The following TUSC3 variants were observed in gnomAD, a reference collection of about 807,000 sequenced individuals.
The protein encoded by TUSC3 is dolichyl-diphosphooligosaccharide--protein glycosyltransferase subunit TUSC3.
Under a neutral mutation model 44.8 loss-of-function variants are expected in TUSC3, and 45 were observed. The observed-to-expected ratio is 1.00, with a 90% CI of 0.79 to 1.29. TUSC3 has a LOEUF of 1.29. Among genes scored for constraint, TUSC3 ranks in the 50% most tolerant of loss-of-function variants. The probability of loss-of-function intolerance (pLI) is 0.00; values close to 1 mark genes in which losing one functional copy is unlikely to be tolerated. For missense variants in TUSC3, 519 were observed against 437.9 expected (o/e 1.19, Z -1.65); for synonymous variants, 212 against 152.9 (o/e 1.39, Z -2.85).
At chr8:15,839,233 C>G in the TUSC3 span, among the ~76,000 whole-genome samples, 15 of 152,088 alleles carry the variant, frequency 9.9e-5, no homozygotes, top group East Asian at 1.9e-4. Context: ...TGGTGAAGTT[C>G]CTTATCAGCT....
chr8:15,417,521 C>T (rs1407742100), intron 1 of TUSC3, among the ~76,000 whole-genome samples: 1 of 152,138 alleles, frequency 6.6e-6, no homozygotes, highest in Non-Finnish European at 1.5e-5. Context: ...TGTAAAACCA[C>T]AGATGTCCAG....
At chr8:15,490,812 G>C (rs931384224) in intron 2 of TUSC3, among the ~76,000 whole-genome samples, 4 of 152,130 alleles carry the variant, frequency 2.6e-5, no homozygotes, top group Non-Finnish European at 4.4e-5. Flanking sequence ...AACTTCACAA[G>C]CTAGATTTGT....
At chr8:15,664,437 T>TTTA (rs56049201) in intron 5 of TUSC3, among the ~76,000 whole-genome samples, 22,128 of 143,582 alleles carry the variant, frequency 0.15, 2,183 homozygotes, top group Non-Finnish European at 0.23. Context: ...GTTATACAGA[T>TTTA]TTATTATTAT....
chr8:15,638,510 TTTTTC>T (rs1806198168), intron 2 of TUSC3, among the ~76,000 whole-genome samples: 1 of 129,620 alleles, frequency 7.7e-6, no homozygotes, highest in Non-Finnish European at 1.5e-5. Context: ...TTTTTTTCTT[TTTTTC>T]TTTTTTTTTT....
chr8:15,625,771 G>A (rs769178617), intron 2 of TUSC3, among the ~76,000 whole-genome samples: 1 of 152,168 alleles, frequency 6.6e-6, no homozygotes, highest in Non-Finnish European at 1.5e-5. Context: ...TTTCTAAGAA[G>A]CATCTTATCA....
intron 1 of TUSC3, among the ~76,000 whole-genome samples, chr8:15,438,339 G>A (rs948926175): frequency 5.3e-5 from 8 of 152,172 alleles, no homozygotes; most frequent in African/African-American, 9.6e-5. Context: ...CAGGTGGTCC[G>A]CCTGCCTCGG....
At chr8:15,669,234 C>G (rs555125335) in intron 5 of TUSC3, among the ~76,000 whole-genome samples, 1 of 151,924 alleles carries the variant, frequency 6.6e-6, no homozygotes, top group Admixed American at 6.6e-5. Context: ...TCTTCATACT[C>G]CAGTATGGAT....
chr8:15,536,699 AAAAAAAAAAAAAAAAAAAAAAAAAAG>A (rs1464838063), upstream of TUSC3, among the ~76,000 whole-genome samples: 3 of 83,134 alleles, frequency 3.6e-5, no homozygotes, highest in Non-Finnish European at 7.5e-5. Context: ...AAAAAAAAAA[AAAAAAAAAAAAAAAAAAAAAAAAAAG>A]AATGCAGGAA....
chr8:15,442,282 C>G (rs1450167258), intron 1 of TUSC3, among the ~76,000 whole-genome samples: 1 of 151,704 alleles, frequency 6.6e-6, no homozygotes, highest in Non-Finnish European at 1.5e-5. Flanking sequence ...CATTATTTCT[C>G]TAAGAAAGTA....
chr8:15,699,036 C>G (rs1172904181), intron 6 of TUSC3, among the ~76,000 whole-genome samples: 1 of 151,918 alleles, frequency 6.6e-6, no homozygotes, highest in Non-Finnish European at 1.5e-5. Flanking sequence ...TTTGTAGAGA[C>G]AGGGTCTTGC....
In TUSC3 at chr8:15,664,511, G is replaced by A. The variant is rs113313219; in HGVS notation, c.708+2215G>A. 1.6e-3 allele frequency among the ~76,000 whole-genome samples: 237 copies of A among 148,364 alleles called. 1 individual carries two copies. Among genetic ancestry groups the A allele is most frequent in the African/African-American group, 5.7e-3 (233 of 40,900 alleles). The stretch of plus-strand genomic sequence containing the variant: ...TCTTTTACTGTGAATCTTGGAAAGC[G>A]AATTAACTTGGCATGGCAGAAGATA... On this transcript the variant is annotated intron_variant, in intron 5 of 10. Transcript: ENST00000503731.
intron 2 of TUSC3, among the ~76,000 whole-genome samples, chr8:15,496,148 A>C (rs974665528): frequency 6.6e-6 from 1 of 152,168 alleles, no homozygotes; most frequent in African/African-American, 2.4e-5. Flanking sequence ...ACCATGTTCT[A>C]TACGTCCTTG....
In TUSC3 at chr8:15,680,637, T is replaced by C. The variant is rs113512297; in HGVS notation, c.798+6801T>C. On this transcript the variant is annotated intron_variant, in intron 6 of 10. Coordinates refer to ENST00000503731, the MANE Select transcript of TUSC3 (RefSeq NM_006765.4). ...CTTCCAGTACTATGCTGAATAGTAG[T>C]AGAGAGTGGACATCCTTGTCTTGTT... Among the ~76,000 whole-genome samples, 95 of 152,114 alleles carry C rather than the reference T, an allele frequency of 6.2e-4. 1 individual carries two copies. The highest frequency in any genetic ancestry group is 1.3e-3 in the Non-Finnish European group (86 of 67,966).
chr8:15,761,571 G>A (rs1304145608), intron 10 of TUSC3, among the ~76,000 whole-genome samples: 3 of 152,074 alleles, frequency 2.0e-5, no homozygotes, highest in South Asian at 2.1e-4. Flanking sequence ...CAGAATACGC[G>A]AATAAGCCAG....
intron 2 of TUSC3, among the ~76,000 whole-genome samples, chr8:15,506,650 C>A (rs1184779599): frequency 6.6e-6 from 1 of 152,118 alleles, no homozygotes; most frequent in African/African-American, 2.4e-5. Flanking sequence ...GGGGAAGTGC[C>A]TTTATAAAAT....
At chr8:15,521,536 G>T (rs552000987) in intron 2 of TUSC3, among the ~76,000 whole-genome samples, 2 of 152,220 alleles carry the variant, frequency 1.3e-5, no homozygotes, top group African/African-American at 4.8e-5. Flanking sequence ...CAATCTTTGG[G>T]CTTCCCCATA....
At chr8:15,833,228 C>T in the TUSC3 span, among the ~76,000 whole-genome samples, 13,955 of 152,048 alleles carry the variant, frequency 0.092, 749 homozygotes, top group Middle Eastern at 0.18. Flanking sequence ...GGCAAGGTTG[C>T]GGAGAAAAAG....
At chr8:15,847,888 G>T in the TUSC3 span, among the ~76,000 whole-genome samples, 1 of 151,912 alleles carries the variant, frequency 6.6e-6, no homozygotes, top group Non-Finnish European at 1.5e-5. Flanking sequence ...TTTAAGCTAG[G>T]AATAATCATA....
chr8:15,623,908 C>G (rs966912581), intron 2 of TUSC3, among the ~76,000 whole-genome samples: 2 of 152,132 alleles, frequency 1.3e-5, no homozygotes, highest in African/African-American at 2.4e-5. Context: ...TGCGGAACAG[C>G]TCTATTACTG....
Sources: allele counts gnomAD v4.1 joint callset (sites outside exome capture counted in the v4.1 genomes callset), GRCh38; gene constraint gnomAD v4.1.1; transcripts MANE v1.5; gene names NCBI Gene and HGNC (gene_info 2026-07-23, HGNC 2026-07-21).